PCDH11X: variants seen among roughly 807,000 people sequenced by gnomAD.
PCDH11X encodes protocadherin 11 X-linked, also known as protocadherin-11 X-linked.
A neutral mutation model predicts 53.3 loss-of-function variants in PCDH11X; 18 were observed. The observed-to-expected ratio is 0.34, with a 90% CI of 0.23 to 0.50. The LOEUF is 0.50. Among genes scored for constraint, PCDH11X ranks in the 20% least tolerant of loss-of-function variants. The probability of loss-of-function intolerance (pLI) is 0.98; values close to 1 mark genes in which losing one functional copy is unlikely to be tolerated. For synonymous variants in PCDH11X, 279 were observed against 393.3 expected (o/e 0.71, Z 3.44); for missense variants, 570 against 1,032.4 (o/e 0.55, Z 6.14).
intron 10 of PCDH11X, among the ~76,000 whole-genome samples, chrX:92,520,133 G>A (rs1187158296): frequency 1.8e-5 from 2 of 110,159 alleles, no homozygotes; most frequent in African/African-American, 6.6e-5. Context: ...ACACTTAACG[G>A]TATTTATAGA....
chrX:91,976,279 G>T, intron 6 of PCDH11X, among the ~76,000 whole-genome samples: 1 of 111,507 alleles, frequency 9.0e-6, no homozygotes, highest in Non-Finnish European at 1.9e-5. Flanking sequence ...TGTGACCCCT[G>T]GTTATTAAGT....
At chrX:92,031,936 T>A (rs1403146468) in intron 6 of PCDH11X, among the ~76,000 whole-genome samples, 71 of 112,148 alleles carry the variant, frequency 6.3e-4, no homozygotes, top group African/African-American at 2.2e-3. Flanking sequence ...GGTTTTATTC[T>A]TTTTTCTCAA....
chrX:92,234,530 G>T (rs2148375268), intron 7 of PCDH11X, among the ~76,000 whole-genome samples: 1 of 111,782 alleles, frequency 8.9e-6, no homozygotes, highest in African/African-American at 3.2e-5. Flanking sequence ...ACCCATTGGG[G>T]TTTTTAATTT....
At chrX:92,306,689 C>A (rs1457865119) in intron 8 of PCDH11X, among the ~76,000 whole-genome samples, 1 of 109,693 alleles carries the variant, frequency 9.1e-6, no homozygotes, top group Non-Finnish European at 1.9e-5. Flanking sequence ...CACCTGTAAT[C>A]CCAGCACTTT....
intron 6 of PCDH11X, among the ~76,000 whole-genome samples, chrX:92,012,883 A>G (rs2062716469): frequency 1.8e-5 from 2 of 111,693 alleles, no homozygotes; most frequent in Admixed American, 1.9e-4. Flanking sequence ...AGTGTGCAAT[A>G]GCATTAATGT....
chrX:91,902,955 A>C (rs1941009174), intron 6 of PCDH11X, among the ~76,000 whole-genome samples: 1 of 111,155 alleles, frequency 9.0e-6, no homozygotes, highest in Non-Finnish European at 1.9e-5. Flanking sequence ...ACTACATGCA[A>C]GGTATGGTGC....
At chrX:92,438,991 T>C (rs1304587276) in intron 9 of PCDH11X, among the ~76,000 whole-genome samples, 4 of 111,465 alleles carry the variant, frequency 3.6e-5, no homozygotes, top group Non-Finnish European at 5.7e-5. Context: ...TGGACTTACT[T>C]GGATGTATAT....
intron 6 of PCDH11X, among the ~76,000 whole-genome samples, chrX:92,106,510 G>C (rs893078942): frequency 1.8e-5 from 2 of 111,104 alleles, no homozygotes; most frequent in Admixed American, 1.9e-4. Context: ...TCAATTTTGT[G>C]CAACTCCAGA....
chrX:92,445,729 T>C (rs1476112456), intron 9 of PCDH11X, among the ~76,000 whole-genome samples: 2 of 109,243 alleles, frequency 1.8e-5, no homozygotes, highest in Non-Finnish European at 3.8e-5. Context: ...TAGGAGAGAA[T>C]GTTGAATTGA....
intron 8 of PCDH11X, among the ~76,000 whole-genome samples, chrX:92,363,139 T>C (rs2070385179): frequency 9.0e-6 from 1 of 111,446 alleles, no homozygotes; most frequent in African/African-American, 3.2e-5. Flanking sequence ...ATTGCAGGTC[T>C]CTTGAAATTC....
intron 4 of PCDH11X, among the ~76,000 whole-genome samples, chrX:91,812,393 G>T (rs1186965831): frequency 9.1e-6 from 1 of 110,304 alleles, no homozygotes; most frequent in Non-Finnish European, 1.9e-5. Context: ...TTCTCTCCAA[G>T]TACATAAATC....
chrX:92,119,882 C>CTTTT (rs1208533975), intron 6 of PCDH11X, among the ~76,000 whole-genome samples: 1 of 110,005 alleles, frequency 9.1e-6, no homozygotes, highest in Non-Finnish European at 1.9e-5. Flanking sequence ...AAACAAGAGG[C>CTTTT]TTTTACCCAA....
intron 6 of PCDH11X, among the ~76,000 whole-genome samples, chrX:91,945,721 AAGAATTAT>A (rs2061565115): frequency 9.2e-6 from 1 of 109,055 alleles, no homozygotes; most frequent in African/African-American, 3.3e-5. Context: ...GTTGCAAAGA[AAGAATTAT>A]AGTAGGCTCT....
intron 6 of PCDH11X, among the ~76,000 whole-genome samples, chrX:92,070,958 C>T (rs12559783): frequency 0.083 from 8,181 of 98,688 alleles, 444 homozygotes; most frequent in East Asian, 0.55. Context: ...CGCCACCACA[C>T]GCAGCTAATT....
intron 4 of PCDH11X, among the ~76,000 whole-genome samples, chrX:91,812,335 T>G (rs981707594): frequency 9.0e-6 from 1 of 110,953 alleles, no homozygotes; most frequent in African/African-American, 3.3e-5. Context: ...ATGATTCTTT[T>G]TCTTGTTCCC....
At chrX:91,982,477 T>C (rs1250042515) in intron 6 of PCDH11X, among the ~76,000 whole-genome samples, 1 of 107,233 alleles carries the variant, frequency 9.3e-6, no homozygotes, top group Non-Finnish European at 1.9e-5. Flanking sequence ...TGGAAATGAG[T>C]TTCTTCTGTA....
At chrX:91,910,658 G>A (rs1264875299) in intron 6 of PCDH11X, among the ~76,000 whole-genome samples, 1 of 110,768 alleles carries the variant, frequency 9.0e-6, no homozygotes, top group Non-Finnish European at 1.9e-5. Flanking sequence ...TGATCTGCAA[G>A]TATAGAAAAA....
chrX:91,950,617 C>T (rs1360910259), intron 6 of PCDH11X, among the ~76,000 whole-genome samples: 6 of 90,131 alleles, frequency 6.7e-5, no homozygotes, highest in Non-Finnish European at 1.1e-4. Context: ...TACACACACA[C>T]ATATATATCA....
At chrX:92,610,906 G>A (rs1026448123) in intron 10 of PCDH11X, among the ~76,000 whole-genome samples, 1 of 111,296 alleles carries the variant, frequency 9.0e-6, no homozygotes, top group Non-Finnish European at 1.9e-5. Flanking sequence ...GATGGCTGTA[G>A]GTGTGCAACT....
Sources: gnomAD v4.1 joint callset for allele counts (sites outside exome capture counted in the v4.1 genomes callset) on GRCh38, gnomAD v4.1.1 for gene constraint, MANE v1.5 for transcripts, NCBI Gene and HGNC (gene_info 2026-07-23, HGNC 2026-07-21) for gene names.